The following RPAP2 variants were observed in gnomAD, a reference collection of about 807,000 sequenced individuals.
The protein encoded by RPAP2 is putative RNA polymerase II subunit B1 CTD phosphatase RPAP2.
Under a neutral mutation model 73.1 loss-of-function variants are expected in RPAP2, and 52 were observed. That is an observed-to-expected ratio of 0.71 (90% confidence interval 0.57 to 0.90). The LOEUF is 0.90. Among genes scored for constraint, RPAP2 ranks in the 40% least tolerant of loss-of-function variants. The pLI is 0.00. For missense variants in RPAP2, 598 were observed against 701.8 expected, an observed-to-expected ratio of 0.85 and a Z score of 1.67; for synonymous variants, 225 against 242.1, an observed-to-expected ratio of 0.93 and a Z score of 0.65.
intron 12 of RPAP2, among the ~76,000 whole-genome samples, chr1:92,381,836 T>A (rs557427001): frequency 6.6e-6 from 1 of 152,122 alleles, no homozygotes; most frequent in African/African-American, 2.4e-5. Context: ...TTGCTACATA[T>A]GTATACATGT....
intron 11 of RPAP2, among the ~76,000 whole-genome samples, chr1:92,379,285 T>C (rs1304603410): frequency 2.0e-5 from 3 of 152,214 alleles, no homozygotes; most frequent in Non-Finnish European, 4.4e-5. Context: ...AATAAATATC[T>C]GAAAGAGCTT....
At chr1:92,378,542 G>T (rs1298538448) in intron 11 of RPAP2, among the ~76,000 whole-genome samples, 1 of 152,168 alleles carries the variant, frequency 6.6e-6, no homozygotes, top group Middle Eastern at 3.4e-3. Context: ...ACAAAAGCTA[G>T]GTTTCTGTGG....
chr1:92,363,870 G>A, intron 11 of RPAP2: 1 of 171,260 alleles, frequency 5.8e-6, no homozygotes, highest in Non-Finnish European at 1.3e-5. Flanking sequence ...TATGCATTAT[G>A]TAATATTTAT....
intron 11 of RPAP2, among the ~76,000 whole-genome samples, chr1:92,356,635 A>G (rs1654481274): frequency 7.0e-6 from 1 of 141,964 alleles, no homozygotes; most frequent in Admixed American, 7.3e-5. Context: ...GGGTTTTGCC[A>G]TGTTGGCCAG....
chr1:92,323,290 T>G (rs1453805904), intron 7 of RPAP2, among the ~76,000 whole-genome samples, 155 bp from the exon 8 acceptor site: 1 of 151,848 alleles, frequency 6.6e-6, no homozygotes, highest in Admixed American at 6.6e-5. Context: ...AATTTATATA[T>G]CAGAACCTAG....
At chr1:92,341,444 A>T (rs1653589346) in intron 10 of RPAP2, among the ~76,000 whole-genome samples, 1 of 152,242 alleles carries the variant, frequency 6.6e-6, no homozygotes, top group African/African-American at 2.4e-5. Context: ...GAAAAATATG[A>T]AAACAGGTGA....
intron 9 of RPAP2, among the ~76,000 whole-genome samples, chr1:92,334,183 T>G (rs748515833): frequency 6.6e-6 from 1 of 152,190 alleles, no homozygotes; most frequent in Non-Finnish European, 1.5e-5. Flanking sequence ...TTGTAGCAGT[T>G]TGAAAATACA....
intron 11 of RPAP2, among the ~76,000 whole-genome samples, chr1:92,368,323 G>A (rs1479450760): frequency 6.6e-6 from 1 of 152,124 alleles, no homozygotes; most frequent in Non-Finnish European, 1.5e-5. Context: ...AAGTTGCAGT[G>A]AGCCGAGATC....
chr1:92,313,625 C>T (rs1651725604), intron 6 of RPAP2, among the ~76,000 whole-genome samples: 1 of 152,086 alleles, frequency 6.6e-6, no homozygotes, highest in South Asian at 2.1e-4. Context: ...GCATTGGCTT[C>T]AACTTAAAGT....
chr1:92,340,659 A>G (rs1310028796), intron 10 of RPAP2, among the ~76,000 whole-genome samples: 2 of 152,162 alleles, frequency 1.3e-5, no homozygotes, highest in Non-Finnish European at 2.9e-5. Flanking sequence ...CCCCCCTTAG[A>G]TAATTCTAAT....
In RPAP2 at chr1:92,304,328, C is replaced by T. The variant is rs368542355; in HGVS notation, c.378C>T (p.Val126=). 2.4e-5 allele frequency: 36 copies of T among 1,523,700 alleles called. No homozygotes were observed. In the African/African-American group the frequency reaches 4.4e-4, roughly 19 times the overall value. 94.4% of individuals were successfully genotyped at this position (1,523,700 alleles called of 1,614,324 possible). Residue 126 remains valine (V), a synonymous_variant, in exon 5 of 13, where the codon GTC becomes GTT. Coordinates refer to ENST00000610020, the MANE Select transcript of RPAP2 (RefSeq NM_024813.3). The part of the protein sequence containing the change: ...KYKISTKTNK[V]YDITERKSFC... ...AAATTTCTACCAAAACCAATAAAGT[C>T]TATGATATTACTGAAAGAAAGGTGA...
chr1:92,315,287 T>C (rs1048435949), intron 6 of RPAP2, among the ~76,000 whole-genome samples: 1 of 152,220 alleles, frequency 6.6e-6, no homozygotes, highest in African/African-American at 2.4e-5. Context: ...CACACACATT[T>C]ATCAATTAAG....
intron 11 of RPAP2, among the ~76,000 whole-genome samples, chr1:92,355,399 TG>T (rs1654413018): frequency 6.6e-6 from 1 of 152,140 alleles, no homozygotes; most frequent in Non-Finnish European, 1.5e-5. Context: ...AAGTATGAGG[TG>T]TAAAAAGTAA....
At chr1:92,338,410 C>G (rs1003298640) in intron 10 of RPAP2, among the ~76,000 whole-genome samples, 1 of 152,110 alleles carries the variant, frequency 6.6e-6, no homozygotes, top group Non-Finnish European at 1.5e-5. Flanking sequence ...TTAGTAATGA[C>G]GAGAGACATT....
intron 11 of RPAP2, among the ~76,000 whole-genome samples, chr1:92,380,114 C>G (rs536842654): frequency 2.6e-4 from 39 of 150,524 alleles, no homozygotes; most frequent in African/African-American, 8.8e-4. Context: ...CCCGTCTCTA[C>G]CAAAAAAACG....
chr1:92,320,584 G>A lies in RPAP2; in HGVS notation c.489-15G>A. ...CGCACCCGGCCTAATTTTTATTTCT[G>A]TGTTCTTATTACAGGCATCCTGATT... On this transcript the variant is annotated splice_polypyrimidine_tract_variant and intron_variant, in intron 6 of 12. Coordinates refer to ENST00000610020, the MANE Select transcript of RPAP2 (RefSeq NM_024813.3). 1 of 1,609,346 alleles carries A rather than the reference G, an allele frequency of 6.2e-7. No homozygotes were observed. Among genetic ancestry groups the A allele is most frequent in the Non-Finnish European group, 8.5e-7 (1 of 1,176,380 alleles).
At chr1:92,346,896 G>A (rs1432974099) in intron 11 of RPAP2, among the ~76,000 whole-genome samples, 3 of 152,090 alleles carry the variant, frequency 2.0e-5, no homozygotes, top group Non-Finnish European at 4.4e-5. Flanking sequence ...CTTGTTAGAG[G>A]TCATTGAAGC....
rs71091273 is a variant in RPAP2 at position 92,305,432 on chromosome 1, C to CAAA, written c.399+1100_399+1102dup. The stretch of plus-strand genomic sequence containing the variant: ...GGGGCAACAGAGTGAGGCTCCGTCT[C>CAAA]AAAAAAAAAAAAAAAAAAAGACAAT... On this transcript the variant is annotated intron_variant, in intron 5 of 12. Coordinates refer to ENST00000610020, the MANE Select transcript of RPAP2 (RefSeq NM_024813.3). Among the ~76,000 whole-genome samples, 316 of 52,662 alleles carry CAAA rather than the reference C, an allele frequency of 6.0e-3. 29 individuals carry two copies. The highest frequency in any genetic ancestry group is 0.042 in the South Asian group (37 of 882). The allele number at this position is 52,662 out of a possible 152,430, so 34.5% of individuals were successfully genotyped here. A position where few individuals can be genotyped will look rare whatever the true frequency, so the allele number is the denominator to read the frequency against.
rs542691647 is a variant in RPAP2, at chr1:92,360,830, C to G, written c.1688+14916C>G. On this transcript the variant is annotated intron_variant, in intron 11 of 12. Transcript: ENST00000610020. ...ATTTTCATTACTGTTACATTCATTA[C>G]TGTATTATTAGTTTCATTCTGGCTC... Among the ~76,000 whole-genome samples the G allele has an allele frequency of 3.3e-5, 5 of 152,172 alleles. No homozygotes were observed. The East Asian group carries it at 9.6e-4, about 29-fold the overall frequency.
Sources: allele counts gnomAD v4.1 joint callset (sites outside exome capture counted in the v4.1 genomes callset), GRCh38; gene constraint gnomAD v4.1.1; transcripts MANE v1.5; gene names NCBI Gene and HGNC (gene_info 2026-07-23, HGNC 2026-07-21).